PPEF2: variants seen among roughly 807,000 people sequenced by gnomAD.
The protein encoded by PPEF2 is serine/threonine-protein phosphatase with EF-hands 2.
Under a neutral mutation model 84.7 loss-of-function variants are expected in PPEF2, and 84 were observed. The observed-to-expected ratio is 0.99, with a 90% confidence interval of 0.83 to 1.19. PPEF2 has a LOEUF of 1.19. Ranked by LOEUF, PPEF2 falls within the 50% of genes most tolerant of loss-of-function variation. PPEF2 has a pLI of 0.00. For synonymous variants in PPEF2, 346 were observed against 345.2 expected (o/e 1.00, Z -0.03); for missense variants, 924 against 937.5 (o/e 0.99, Z 0.19).
chr4:75,890,186 G>C, intron 4 of PPEF2, 54 bp from the exon 5 acceptor site: 1 of 1,593,860 alleles, frequency 6.3e-7, no homozygotes, highest in Non-Finnish European at 8.6e-7. Context: ...CATGCAGTCT[G>C]TGGGCACTAT....
chr4:75,871,797 T>G (rs1440998369), intron 13 of PPEF2, among the ~76,000 whole-genome samples: 1 of 152,012 alleles, frequency 6.6e-6, no homozygotes, highest in Non-Finnish European at 1.5e-5. Context: ...GAAAACAAAT[T>G]TGTTGCTCCC....
In PPEF2 at chr4:75,891,988, C is replaced by T. The variant is rs765046799; in HGVS notation, c.56-10G>A. ...GCTGCTGCCTTGAAGGCTATGACAC[C>T]GATGGAGAAGCAAGCCTGTGAGCTC... On this transcript the variant is annotated splice_polypyrimidine_tract_variant and intron_variant, in intron 2 of 16. Transcript: ENST00000286719. 32 of 1,609,620 alleles carry T rather than the reference C, an allele frequency of 2.0e-5. No individual in the cohort carries two copies. The highest frequency in any genetic ancestry group is 9.9e-5 in the South Asian group (9 of 90,956).
Position 75,884,591 on chromosome 4 carries a change from T to A in PPEF2, c.746+3A>T, listed in dbSNP as rs1486297971. ...AAATACTCAAGCATGTTTTGACTTG[T>A]ACCGTAAGTTCACCATATGGTCCTC... On this transcript the variant is annotated splice_donor_region_variant and intron_variant, in intron 8 of 16. Coordinates refer to ENST00000286719, the MANE Select transcript of PPEF2 (RefSeq NM_006239.3). The A allele has an allele frequency of 6.3e-7, 1 of 1,589,408 alleles. No individual in the cohort carries two copies. Among genetic ancestry groups the A allele is most frequent in the South Asian group, 1.2e-5 (1 of 86,300 alleles).
At chr4:75,891,525 G>T in intron 4 of PPEF2, 123 bp downstream of exon 4, 1 of 1,133,156 alleles carries the variant, frequency 8.8e-7, no homozygotes, top group Non-Finnish European at 1.3e-6. Context: ...TTACTCCTCA[G>T]CCCCTTGCTT....
At position 75,871,776 on chromosome 4, in the gene PPEF2, T is replaced by A. The variant is rs140103575; in HGVS notation, c.1649+249A>T. 9.4e-3 allele frequency among the ~76,000 whole-genome samples: 1,433 copies of A among 152,254 alleles called. 65 individuals are homozygous for A. Among genetic ancestry groups the A allele is most frequent in the Admixed American group, 0.08 (1,221 of 15,282 alleles). On this transcript the variant is annotated intron_variant, in intron 13 of 16. Coordinates refer to ENST00000286719, the MANE Select transcript of PPEF2 (RefSeq NM_006239.3). ...ATGAGCCACTGTGCCCCACTGAGAA[T>A]AATTTCTGCAGAAAACAAATTTGTT...
chr4:75,889,848 C>G (rs1724831695), intron 5 of PPEF2, 109 bp downstream of exon 5: 1 of 1,251,684 alleles, frequency 8.0e-7, no homozygotes, highest in African/African-American at 1.5e-5. Flanking sequence ...CTAGTGGACA[C>G]ATGACATGAA....
Position 75,867,261 on chromosome 4 carries a change from A to G in PPEF2, c.1756+52T>C, listed in dbSNP as rs910506353. 1.5e-5 allele frequency: 22 copies of G among 1,435,056 alleles called. No homozygotes were observed. The East Asian group carries it at 5.0e-4, about 33-fold the overall frequency. The allele number at this position is 1,435,056 out of a possible 1,614,324, so 88.9% of individuals were successfully genotyped here. A position where few individuals can be genotyped will look rare whatever the true frequency, so the allele number is the denominator to read the frequency against. On this transcript the variant is annotated intron_variant, in intron 14 of 16. Coordinates refer to ENST00000286719, the MANE Select transcript of PPEF2 (RefSeq NM_006239.3). ...ATTTGCTAACTAGTGTAAGACAGAG[A>G]TTTTCTGGCTAGCTTCCTTCCTCTG...
intron 10 of PPEF2, 173 bp downstream of exon 10, chr4:75,882,753 A>G: frequency 1.6e-6 from 1 of 617,656 alleles, no homozygotes; most frequent in Non-Finnish European, 2.7e-6. Flanking sequence ...CCTGTCTTCT[A>G]AAGTGCTGAG....
intron 10 of PPEF2, chr4:75,881,240 C>G (rs1724566553): frequency 6.6e-6 from 1 of 151,590 alleles, no homozygotes; most frequent in Middle Eastern, 3.4e-3. Context: ...GCTGGGATTA[C>G]AGATGTGCAC....
At chr4:75,889,115 G>A (rs1055694967) in intron 5 of PPEF2, 2 of 152,338 alleles carry the variant, frequency 1.3e-5, no homozygotes, top group Non-Finnish European at 2.9e-5. Context: ...AGGAGGGTGA[G>A]GCAGGAGAGT....
At chr4:75,875,757 G>A (rs1459009152) in intron 11 of PPEF2, among the ~76,000 whole-genome samples, 3 of 152,126 alleles carry the variant, frequency 2.0e-5, no homozygotes, top group Admixed American at 6.5e-5. Flanking sequence ...TAATGTTAGC[G>A]CCTACTCAAT....
intron 2 of PPEF2, among the ~76,000 whole-genome samples, chr4:75,893,209 T>C (rs1724930061): frequency 6.6e-6 from 1 of 152,176 alleles, no homozygotes; most frequent in African/African-American, 2.4e-5. Context: ...TTCAGAATAG[T>C]GAATGAGGCT....
intron 16 of PPEF2, among the ~76,000 whole-genome samples, chr4:75,863,673 G>A (rs1397263050): frequency 2.0e-5 from 3 of 151,816 alleles, no homozygotes; most frequent in African/African-American, 4.8e-5. Flanking sequence ...GGACCATTGC[G>A]GGAACAGGAT....
At chr4:75,899,374 C>G (rs542580630) in intron 1 of PPEF2, among the ~76,000 whole-genome samples, 2 of 152,120 alleles carry the variant, frequency 1.3e-5, no homozygotes, top group Non-Finnish European at 2.9e-5. Context: ...GATATACACC[C>G]AAAGTGTAGT....
Position 75,864,584 on chromosome 4 carries a change from A to T in PPEF2, c.1921-57T>A, listed in dbSNP as rs2149213663. On this transcript the variant is annotated intron_variant, in intron 15 of 16. Coordinates refer to ENST00000286719, the MANE Select transcript of PPEF2 (RefSeq NM_006239.3). ...CATACGTTTAGACTTGTTCCAATATATAATTAACACACAATCAACCCTGAC... is the reference window on the plus strand; with the variant it reads ...CATACGTTTAGACTTGTTCCAATATTTAATTAACACACAATCAACCCTGAC... 5 of 1,269,318 alleles carry T rather than the reference A, an allele frequency of 3.9e-6. No homozygotes were observed. In the South Asian group the frequency reaches 6.1e-5, roughly 16 times the overall value. The allele number at this position is 1,269,318 out of a possible 1,614,324, so 78.6% of individuals were successfully genotyped here.
intron 11 of PPEF2, 66 bp from the exon 12 acceptor site, chr4:75,873,378 A>C (rs141428033): frequency 7.1e-7 from 1 of 1,416,490 alleles, no homozygotes; most frequent in East Asian, 2.3e-5. Flanking sequence ...AGTCATTCAA[A>C]TGAAAGGAAG....
rs146329398 is a variant in PPEF2, at chr4:75,883,048, G to A, written c.811C>T (p.Leu271=). ...KVHGKEILRT[L]QDVFCWLPLA... Reference sequence around the variant, plus strand: ...GGAAGCCAACAGAAAACATCTTGCAGGGTTCTTAGTATTTCCTTCCCGTGT... The same window carrying A: ...GGAAGCCAACAGAAAACATCTTGCAAGGTTCTTAGTATTTCCTTCCCGTGT... The change falls in exon 10 of 17, where the codon CTG becomes TTG. Residue 271 remains leucine, a synonymous_variant. Coordinates refer to ENST00000286719, the MANE Select transcript of PPEF2 (RefSeq NM_006239.3). The A allele has an allele frequency of 3.0e-5, 49 of 1,613,984 alleles. No homozygotes were observed. Among genetic ancestry groups the A allele is most frequent in the South Asian group, 2.3e-4 (21 of 91,076 alleles).
At chr4:75,879,604 A>G (rs1375329880) in intron 10 of PPEF2, among the ~76,000 whole-genome samples, 3 of 152,158 alleles carry the variant, frequency 2.0e-5, no homozygotes, top group Non-Finnish European at 4.4e-5. Context: ...TCTTTCTTAT[A>G]ATAAAAATTA....
intron 11 of PPEF2, among the ~76,000 whole-genome samples, chr4:75,874,840 A>C (rs895016188): frequency 2.6e-5 from 4 of 151,716 alleles, no homozygotes; most frequent in Non-Finnish European, 4.4e-5. Context: ...ACTACCCTCC[A>C]TCCAATCAAT....
Sources: gnomAD v4.1 joint callset for allele counts (sites outside exome capture counted in the v4.1 genomes callset) on GRCh38, gnomAD v4.1.1 for gene constraint, MANE v1.5 for transcripts, NCBI Gene and HGNC (gene_info 2026-07-23, HGNC 2026-07-21) for gene names.